The following MYH14 variants were observed in gnomAD, a reference collection of about 807,000 sequenced individuals.
MYH14 encodes myosin-14.
In MYH14, 123 loss-of-function variants were observed where a neutral mutation model predicts 255.5. The ratio of observed to expected loss-of-function variants is 0.48; its 90% CI spans 0.42 to 0.56. The LOEUF (loss-of-function observed/expected upper bound fraction) is 0.56, where lower values mean the gene tolerates loss of function less well. Among genes scored for constraint, MYH14 ranks in the 20% least tolerant of loss-of-function variants. MYH14 has a pLI of 0.00. For missense variants in MYH14, 2,423 were observed against 2,802.3 expected (o/e 0.86, Z 3.06); for synonymous variants, 1,095 against 1,161.2 (o/e 0.94, Z 1.16).
chr19:50,284,393 G>A (rs991846731), intron 33 of MYH14, among the ~76,000 whole-genome samples: 1 of 152,024 alleles, frequency 6.6e-6, no homozygotes, highest in Non-Finnish European at 1.5e-5. Context: ...TTGAGACGGA[G>A]TCTTGCACTG....
intron 9 of MYH14, 73 bp from the exon 10 acceptor site, chr19:50,231,857 C>T: frequency 6.3e-7 from 1 of 1,582,834 alleles, no homozygotes. Context: ...CCTGGGATTG[C>T]CACCGATGAA....
intron 16 of MYH14, 35 bp from the exon 17 acceptor site, chr19:50,255,185 C>T (rs2034546164): frequency 7.1e-7 from 1 of 1,409,210 alleles, no homozygotes; most frequent in Non-Finnish European, 9.8e-7. Flanking sequence ...GCCATCTCCC[C>T]TCCACCCACC....
chr19:50,269,771 G>C (rs1214924345), intron 24 of MYH14, among the ~76,000 whole-genome samples: 1 of 152,196 alleles, frequency 6.6e-6, no homozygotes, highest in Non-Finnish European at 1.5e-5. Context: ...GCTGGAATGT[G>C]CTTCTCAGGG....
Position 50,217,758 on chromosome 19 carries a change from G to A in MYH14, c.549G>A (p.Arg183=), listed in dbSNP as rs758677218. 1 of 1,613,690 alleles carries A rather than the reference G, an allele frequency of 6.2e-7. No homozygotes were observed. Among genetic ancestry groups the A allele is most frequent in the Non-Finnish European group, 8.5e-7 (1 of 1,179,872 alleles). Residue 183 remains arginine, a synonymous_variant, in exon 3 of 43, where the codon CGG becomes CGA. Transcript: ENST00000642316. ...ACGCAGTGACCGAGGGGGCCTATCGGAGCATGCTGCAGGGTGAGTGCTGGG... is the reference window on the plus strand; with the variant it reads ...ACGCAGTGACCGAGGGGGCCTATCGAAGCATGCTGCAGGGTGAGTGCTGGG... ...HVYAVTEGAY[R]SMLQDREDQS...
chr19:50,268,688 G>C (rs2035185358), intron 24 of MYH14, among the ~76,000 whole-genome samples: 1 of 152,060 alleles, frequency 6.6e-6, no homozygotes, highest in South Asian at 2.1e-4. Flanking sequence ...TTCAGGCATG[G>C]CTGGATCCAG....
At chr19:50,235,334 G>A (rs2033611412) in intron 10 of MYH14, among the ~76,000 whole-genome samples, 1 of 150,872 alleles carries the variant, frequency 6.6e-6, no homozygotes, top group African/African-American at 2.4e-5. Flanking sequence ...CTCCAGCTTG[G>A]AGCAGAGCGA....
At chr19:50,291,163 C>T in intron 36 of MYH14, 115 bp downstream of exon 36, 3 of 944,760 alleles carry the variant, frequency 3.2e-6, no homozygotes, top group Non-Finnish European at 4.6e-6. Context: ...CAGGCAGCAT[C>T]CGCATGGGTC....
At chr19:50,304,295 AGT>A (rs2036585262) in intron 40 of MYH14, among the ~76,000 whole-genome samples, 1 of 152,192 alleles carries the variant, frequency 6.6e-6, no homozygotes, top group African/African-American at 2.4e-5. Context: ...AAATATTAAG[AGT>A]GTACTGTTGG....
chr19:50,263,282 A>T (rs1049312558), intron 21 of MYH14, 30 bp from the exon 22 acceptor site: 7 of 1,452,418 alleles, frequency 4.8e-6, no homozygotes, highest in Admixed American at 4.6e-5. Context: ...GGAGGCTCCC[A>T]CTCTGCCCCT....
At position 50,271,829 on chromosome 19, in the gene MYH14, C is replaced by A. The variant is rs574717439; in HGVS notation, c.3172-20C>A. The A allele has an allele frequency of 1.9e-6, 3 of 1,612,452 alleles. No homozygotes were observed. Among genetic ancestry groups the A allele is most frequent in the Non-Finnish European group, 2.5e-6 (3 of 1,179,702 alleles). ...GGCCCAACTCCTCCTGACTGCCCCC[C>A]ATCCCACTCCACCCCTCAGGAGCGG... On this transcript the variant is annotated intron_variant, in intron 25 of 42. Transcript: ENST00000642316.
intron 2 of MYH14, among the ~76,000 whole-genome samples, chr19:50,211,831 A>G (rs1436948478): frequency 2.0e-5 from 3 of 151,280 alleles, no homozygotes; most frequent in Non-Finnish European, 4.4e-5. Flanking sequence ...AAAAAAAAAT[A>G]CAATAAATTA....
chr19:50,261,729 TG>T, intron 21 of MYH14, 94 bp downstream of exon 21: 1 of 1,259,660 alleles, frequency 7.9e-7, no homozygotes, highest in South Asian at 1.6e-5. Context: ...GCCTCCAGGA[TG>T]GGTGCAGGGC....
intron 30 of MYH14, among the ~76,000 whole-genome samples, chr19:50,278,548 A>AT (rs1020431073): frequency 3.3e-5 from 5 of 151,338 alleles, no homozygotes; most frequent in African/African-American, 1.2e-4. Context: ...AAAAAAAAAA[A>AT]TTTTAATTAG....
Position 50,307,176 on chromosome 19 carries a change from T to C in MYH14, c.5787+19T>C. The C allele has an allele frequency of 6.9e-7, 1 of 1,451,658 alleles. No individual in the cohort carries two copies. The highest frequency in any genetic ancestry group is 1.4e-5 in the African/African-American group (1 of 71,154). The allele number at this position is 1,451,658 out of a possible 1,614,324, so 89.9% of individuals were successfully genotyped here. A position where few individuals can be genotyped will look rare whatever the true frequency, so the allele number is the denominator to read the frequency against. On this transcript the variant is annotated intron_variant, in intron 41 of 42. Coordinates refer to ENST00000642316, the MANE Select transcript of MYH14 (RefSeq NM_001145809.2). ...GGACCAGGTAAGCAGCTGGCATCAT[T>C]AGGGAGCAGTGGAGAGTGTGACCAC...
chr19:50,231,404 G>C (rs1431042051), intron 9 of MYH14, among the ~76,000 whole-genome samples: 6 of 152,262 alleles, frequency 3.9e-5, no homozygotes, highest in African/African-American at 1.4e-4. Context: ...AGTCCCTGCG[G>C]AGGGAGCAAA....
At chr19:50,224,257 C>T in intron 6 of MYH14, 80 bp downstream of exon 6, 1 of 1,593,282 alleles carries the variant, frequency 6.3e-7, no homozygotes, top group Non-Finnish European at 8.6e-7. Flanking sequence ...TCTTGGTAGA[C>T]AGGGCCCAAG....
At chr19:50,264,208 A>G (rs2035000587) in intron 22 of MYH14, among the ~76,000 whole-genome samples, 1 of 152,130 alleles carries the variant, frequency 6.6e-6, no homozygotes, top group African/African-American at 2.4e-5. Context: ...GTATGATAAT[A>G]TGCACGGAGT....
chr19:50,214,841 T>A (rs1423921049), intron 2 of MYH14, among the ~76,000 whole-genome samples: 1 of 152,096 alleles, frequency 6.6e-6, no homozygotes, highest in Non-Finnish European at 1.5e-5. Context: ...ATGAGTGATG[T>A]AAGAGTCTCC....
At chr19:50,234,757 C>T (rs1263813761) in intron 10 of MYH14, among the ~76,000 whole-genome samples, 1 of 152,166 alleles carries the variant, frequency 6.6e-6, no homozygotes, top group Non-Finnish European at 1.5e-5. Flanking sequence ...CTGGCAGCTG[C>T]CCTGCTGTGT....
Sources: allele counts gnomAD v4.1 joint callset (sites outside exome capture counted in the v4.1 genomes callset), GRCh38; gene constraint gnomAD v4.1.1; transcripts MANE v1.5; gene names NCBI Gene and HGNC (gene_info 2026-07-23, HGNC 2026-07-21).